RYR3: variants seen among roughly 807,000 people sequenced by gnomAD.
RYR3 encodes the protein brain ryanodine receptor-calcium release channel.
RYR3 carries 207 observed loss-of-function variants against 584.3 expected under a neutral mutation model. The observed-to-expected ratio is 0.35, with a 90% CI of 0.32 to 0.40. RYR3 has a LOEUF of 0.40. Among genes scored for constraint, RYR3 ranks in the 10% least tolerant of loss-of-function variants. The pLI is 1.00. For synonymous variants in RYR3, 2,416 were observed against 2,248.5 expected (o/e 1.07, Z -2.11); for missense variants, 5,616 against 6,089.2 (o/e 0.92, Z 2.59).
chr15:33,514,845 CA>C (rs991853416), intron 3 of RYR3, among the ~76,000 whole-genome samples: 7 of 150,292 alleles, frequency 4.7e-5, no homozygotes, highest in Admixed American at 1.3e-4. Flanking sequence ...ACTAAAAATA[CA>C]AAAAAAAATT....
intron 42 of RYR3, among the ~76,000 whole-genome samples, chr15:33,701,656 G>T (rs187927017): frequency 1.1e-4 from 16 of 152,138 alleles, no homozygotes; most frequent in Admixed American, 7.9e-4. Flanking sequence ...GGGGAGGGGG[G>T]TGGAGAGGAG....
rs1222107637 is a variant in RYR3, at chr15:33,780,224, C to T, written c.9151C>T (p.Leu3051Phe). The change falls in exon 65 of 104, where the codon CTT (leucine) becomes TTT (phenylalanine). Residue 3051 changes from leucine (L) to phenylalanine (F), a missense_variant. Physicochemically the swap from Leu to Phe is conservative, Grantham distance 22. Transcript: ENST00000634891. ...NIYVERQRPA[L>F]GECLASLAAA... The stretch of plus-strand genomic sequence containing the variant: ...CTTTGTTTCCAGGCAACGCCCTGCC[C>T]TTGGAGAATGTCTGGCCTCGCTGGC... 43 of 1,613,856 alleles carry T rather than the reference C, an allele frequency of 2.7e-5. No individual in the cohort carries two copies. The highest frequency in any genetic ancestry group is 3.6e-5 in the Non-Finnish European group (42 of 1,179,782).
chr15:33,492,463 G>GC (rs1491318057), intron 2 of RYR3, among the ~76,000 whole-genome samples: 1 of 79,056 alleles, frequency 1.3e-5, no homozygotes, highest in Non-Finnish European at 2.7e-5. Context: ...TTCTCTCAAA[G>GC]CAAAAAAAAA....
At position 33,689,051 on chromosome 15, in the gene RYR3, AAG is replaced by A. The variant is rs1450317058; in HGVS notation, c.5861-7166_5861-7165del. On this transcript the variant is annotated intron_variant, in intron 38 of 103. Coordinates refer to ENST00000634891, the MANE Select transcript of RYR3 (RefSeq NM_001036.6). ...CATGAAATACTATGCAGCCATAAAA[AAG>A]GATGAGTTCATGTCCTTTGCAGAGA... 2.0e-5 allele frequency among the ~76,000 whole-genome samples: 3 copies of A among 152,256 alleles called. No homozygotes were observed. In the East Asian group the frequency reaches 5.8e-4, roughly 29 times the overall value.
intron 1 of RYR3, among the ~76,000 whole-genome samples, chr15:33,425,207 CT>C (rs1235306283): frequency 6.6e-6 from 1 of 152,172 alleles, no homozygotes; most frequent in Non-Finnish European, 1.5e-5. Flanking sequence ...TAATAGCCCC[CT>C]AAAGGAGATA....
chr15:33,783,401 G>A lies in RYR3; in HGVS notation c.9269-2261G>A, dbSNP rs572377788. ...AGGCTGTTTTTCTAGCAGCTAACTC[G>A]GAATTCATTCTGTGGGTTTATGCTG... On this transcript the variant is annotated intron_variant, in intron 65 of 103. Transcript: ENST00000634891. 7.2e-5 allele frequency among the ~76,000 whole-genome samples: 11 copies of A among 152,270 alleles called. No homozygotes were observed. In the South Asian group the frequency reaches 1.9e-3, roughly 26 times the overall value.
intron 42 of RYR3, among the ~76,000 whole-genome samples, chr15:33,705,084 A>G (rs1354081286): frequency 7.1e-6 from 1 of 140,700 alleles, no homozygotes; most frequent in Non-Finnish European, 1.5e-5. Flanking sequence ...ATGCACACAC[A>G]CATGCACACA....
intron 66 of RYR3, among the ~76,000 whole-genome samples, chr15:33,787,120 G>T (rs975304028): frequency 6.6e-6 from 1 of 152,210 alleles, no homozygotes; most frequent in Non-Finnish European, 1.5e-5. Flanking sequence ...GGAAACTGAA[G>T]TTCGGCCTGT....
chr15:33,664,614 T>TATATATATATATATATATAC (rs1491296584), intron 36 of RYR3, among the ~76,000 whole-genome samples: 1,694 of 119,642 alleles, frequency 0.014, 19 homozygotes, highest in Middle Eastern at 0.023. Flanking sequence ...TATATATATA[T>TATATATATATATATATATAC]ACGTATGTAT....
At chr15:33,641,125 C>G (rs2061800816) in intron 27 of RYR3, among the ~76,000 whole-genome samples, 1 of 152,172 alleles carries the variant, frequency 6.6e-6, no homozygotes. Context: ...GGTGAACTCC[C>G]TGACACGTTG....
intron 3 of RYR3, among the ~76,000 whole-genome samples, chr15:33,524,864 C>G (rs555449249): frequency 6.6e-6 from 1 of 152,186 alleles, no homozygotes; most frequent in Non-Finnish European, 1.5e-5. Context: ...TACATTTCAA[C>G]GAGATAGTAA....
intron 55 of RYR3, among the ~76,000 whole-genome samples, 183 bp downstream of exon 55, chr15:33,748,713 A>C (rs1437318255): frequency 6.6e-6 from 1 of 152,190 alleles, no homozygotes; most frequent in Non-Finnish European, 1.5e-5. Context: ...CCAATCCTCC[A>C]AGGGGAGGCT....
intron 10 of RYR3, among the ~76,000 whole-genome samples, chr15:33,553,139 G>A (rs950037849): frequency 2.0e-5 from 3 of 152,144 alleles, no homozygotes; most frequent in Non-Finnish European, 4.4e-5. Flanking sequence ...TGGGACTGGG[G>A]CAGAGGGCGA....
intron 1 of RYR3, among the ~76,000 whole-genome samples, chr15:33,362,842 T>A (rs1482307126): frequency 1.3e-5 from 2 of 152,200 alleles, no homozygotes; most frequent in African/African-American, 4.8e-5. Flanking sequence ...CCAGATAGTA[T>A]TAACATCTTC....
At chr15:33,610,025 T>C (rs2060099328) in intron 18 of RYR3, among the ~76,000 whole-genome samples, 2 of 152,202 alleles carry the variant, frequency 1.3e-5, no homozygotes, top group Admixed American at 1.3e-4. Context: ...GGTATTAAAG[T>C]TATAAAAACA....
chr15:33,392,808 G>A (rs536417848), intron 1 of RYR3, among the ~76,000 whole-genome samples: 43 of 152,292 alleles, frequency 2.8e-4, no homozygotes, highest in African/African-American at 8.7e-4. Flanking sequence ...GGATGAAATC[G>A]AAGCAAGTAG....
intron 31 of RYR3, 76 bp from the exon 32 acceptor site, chr15:33,652,642 T>G (rs1011372543): frequency 1.5e-5 from 22 of 1,474,078 alleles, no homozygotes; most frequent in African/African-American, 2.8e-5. Flanking sequence ...CATTTTCATT[T>G]TTCATTTCAT....
chr15:33,540,058 G>A (rs1290909180), intron 6 of RYR3, among the ~76,000 whole-genome samples: 1 of 152,120 alleles, frequency 6.6e-6, no homozygotes, highest in Non-Finnish European at 1.5e-5. Flanking sequence ...GCTGCCACGT[G>A]ATCATGGTGT....
chr15:33,725,514 G>A (rs2068322683), intron 45 of RYR3, among the ~76,000 whole-genome samples: 1 of 152,144 alleles, frequency 6.6e-6, no homozygotes, highest in African/African-American at 2.4e-5. Flanking sequence ...GCCCATCAGT[G>A]TCGGGGTGGA....
Sources: gnomAD v4.1 joint callset for allele counts (sites outside exome capture counted in the v4.1 genomes callset) on GRCh38, gnomAD v4.1.1 for gene constraint, MANE v1.5 for transcripts, NCBI Gene and HGNC (gene_info 2026-07-23, HGNC 2026-07-21) for gene names.